PTPRK: variants seen among roughly 807,000 people sequenced by gnomAD.
PTPRK encodes protein tyrosine phosphatase receptor type K, also known as receptor-type tyrosine-protein phosphatase kappa.
PTPRK carries 75 observed loss-of-function variants against 178.0 expected under a neutral mutation model. The ratio of observed to expected loss-of-function variants is 0.42; its 90% CI spans 0.35 to 0.51. The LOEUF is 0.51. Ranked by LOEUF, PTPRK falls within the 20% of genes least tolerant of loss-of-function variation. The pLI, the probability that PTPRK is intolerant of heterozygous loss-of-function variation, is 0.02. For synonymous variants in PTPRK, 637 were observed against 620.6 expected, an observed-to-expected ratio of 1.03 and a Z score of -0.39; for missense variants, 1,441 against 1,797.8, an observed-to-expected ratio of 0.80 and a Z score of 3.59.
chr6:128,436,538 G>C (rs1202900497), intron 1 of PTPRK, among the ~76,000 whole-genome samples: 1 of 151,514 alleles, frequency 6.6e-6, no homozygotes, highest in African/African-American at 2.4e-5. Flanking sequence ...TTATTTATGG[G>C]ACTTAAATAA....
At position 128,083,431 on chromosome 6, in the gene PTPRK, A is replaced by T. The variant is rs1030594873; in HGVS notation, c.1575+284T>A. ...TTTTTAATATGTGATTATTACTATA[A>T]CCATCGTAAATCTGATAATGACTAT... On this transcript the variant is annotated intron_variant, in intron 9 of 29. Coordinates refer to ENST00000368226, the MANE Select transcript of PTPRK (RefSeq NM_002844.4). Among the ~76,000 whole-genome samples, 3 of 152,078 alleles carry T rather than the reference A, an allele frequency of 2.0e-5. No individual in the cohort carries two copies. The East Asian group carries it at 5.8e-4, about 29-fold the overall frequency.
rs142786634 is a variant in PTPRK, at chr6:128,461,502, A to G, written c.100+58757T>C. ...ACCTGTTTTTTTTTCATTTTTTAAGATGAAAGCACCTGGCCACAATTGACG... is the reference window on the plus strand; with the variant it reads ...ACCTGTTTTTTTTTCATTTTTTAAGGTGAAAGCACCTGGCCACAATTGACG... On this transcript the variant is annotated intron_variant, in intron 1 of 29. Coordinates refer to ENST00000368226, the MANE Select transcript of PTPRK (RefSeq NM_002844.4). 1.4e-3 allele frequency among the ~76,000 whole-genome samples: 210 copies of G among 152,232 alleles called. 2 individuals are homozygous for G. Among genetic ancestry groups the G allele is most frequent in the African/African-American group, 4.7e-3 (194 of 41,532 alleles).
rs112978047 is a variant in PTPRK at position 128,038,505 on chromosome 6, T to C, written c.2194+26253A>G. 9.4e-3 allele frequency among the ~76,000 whole-genome samples: 1,432 copies of C among 152,260 alleles called. 20 individuals are homozygous for C. Among genetic ancestry groups the C allele is most frequent in the African/African-American group, 0.032 (1,350 of 41,560 alleles). On this transcript the variant is annotated intron_variant, in intron 13 of 29. Transcript: ENST00000368226. Reference sequence around the variant, plus strand: ...TTAAGAGCAAAAAGTACAGTTCTTATAACTTCTAGAGATACTGCTCCACTC... The same window carrying C: ...TTAAGAGCAAAAAGTACAGTTCTTACAACTTCTAGAGATACTGCTCCACTC...
intron 7 of PTPRK, among the ~76,000 whole-genome samples, chr6:128,098,923 G>A (rs1788335915): frequency 6.6e-6 from 1 of 151,076 alleles, no homozygotes; most frequent in Admixed American, 6.6e-5. Flanking sequence ...TTTGAGGAGG[G>A]GTTAATTTCT....
intron 11 of PTPRK, among the ~76,000 whole-genome samples, chr6:128,069,222 G>C (rs373472220): frequency 1.3e-5 from 2 of 151,942 alleles, no homozygotes; most frequent in African/African-American, 4.8e-5. Context: ...TAAATCAGTA[G>C]GTTCATATCC....
At chr6:128,424,115 C>T (rs1238188267) in intron 1 of PTPRK, among the ~76,000 whole-genome samples, 2 of 151,198 alleles carry the variant, frequency 1.3e-5, no homozygotes, top group Non-Finnish European at 2.9e-5. Flanking sequence ...TGCCTGTAGT[C>T]CCAGTTACTT....
At chr6:128,188,806 C>A (rs906273755) in intron 6 of PTPRK, among the ~76,000 whole-genome samples, 3 of 152,136 alleles carry the variant, frequency 2.0e-5, no homozygotes, top group African/African-American at 7.2e-5. Flanking sequence ...GTATTCCTGT[C>A]CCTCCAAATT....
intron 2 of PTPRK, among the ~76,000 whole-genome samples, chr6:128,362,738 C>T (rs1834946148): frequency 6.6e-6 from 1 of 151,932 alleles, no homozygotes; most frequent in Non-Finnish European, 1.5e-5. Flanking sequence ...TTGAAAAGGG[C>T]TCATATAAAA....
At chr6:128,393,676 G>C (rs1411411966) in intron 2 of PTPRK, among the ~76,000 whole-genome samples, 1 of 152,130 alleles carries the variant, frequency 6.6e-6, no homozygotes, top group Non-Finnish European at 1.5e-5. Context: ...AGCGAACACA[G>C]TATTTATTTA....
chr6:128,067,765 C>A lies in PTPRK; in HGVS notation c.1911G>T (p.Leu637=). 1.2e-6 allele frequency: 2 copies of A among 1,607,590 alleles called. No homozygotes were observed. The highest frequency in any genetic ancestry group is 2.7e-5 in the African/African-American group (2 of 74,746). The change falls in exon 12 of 30, where the codon CTG becomes CTT. Residue 637 remains leucine (L), a synonymous_variant. Transcript: ENST00000368226. ...ISAYQIVVEE[L]HPHRTKREAG... ...CTTCTCTCTTGGTTCGGTGTGGGTG[C>A]AGTTCTTCCACAACAATCTGATAAG...
rs115412391 is a variant in PTPRK at position 128,160,427 on chromosome 6, C to T, written c.1162+24005G>A. Among the ~76,000 whole-genome samples, 327 of 151,716 alleles carry T rather than the reference C, an allele frequency of 2.2e-3. 3 individuals carry two copies. Among genetic ancestry groups the T allele is most frequent in the African/African-American group, 6.9e-3 (288 of 41,498 alleles). On this transcript the variant is annotated intron_variant, in intron 7 of 29. Transcript: ENST00000368226. ...AAAACACGAGATATACTCCCATTAG[C>T]TGAGAAAAGAGGACTATAAGATGAT...
At chr6:128,013,664 A>AAAACTGGAATTATCTTGGGC (rs1345434479) in intron 13 of PTPRK, among the ~76,000 whole-genome samples, 1 of 151,476 alleles carries the variant, frequency 6.6e-6, no homozygotes, top group Non-Finnish European at 1.5e-5. Context: ...AAGGAAAACA[A>AAAACTGGAATTATCTTGGGC]AAACTGGAAT....
chr6:128,201,235 T>A (rs1392191991), intron 6 of PTPRK, among the ~76,000 whole-genome samples: 1 of 152,164 alleles, frequency 6.6e-6, no homozygotes, highest in Non-Finnish European at 1.5e-5. Context: ...ACAAAGGCAA[T>A]TCATAATTCT....
chr6:128,288,293 A>G (rs1485838589), intron 3 of PTPRK, among the ~76,000 whole-genome samples: 2 of 152,192 alleles, frequency 1.3e-5, no homozygotes, highest in Non-Finnish European at 2.9e-5. Context: ...CACATTAAAT[A>G]CTAAATTTTA....
At chr6:128,339,305 A>G (rs1345132683) in intron 2 of PTPRK, among the ~76,000 whole-genome samples, 1 of 152,186 alleles carries the variant, frequency 6.6e-6, no homozygotes, top group African/African-American at 2.4e-5. Context: ...AACCCACAAC[A>G]GACTCTATCG....
At chr6:128,368,746 A>C (rs1835862194) in intron 2 of PTPRK, among the ~76,000 whole-genome samples, 1 of 152,130 alleles carries the variant, frequency 6.6e-6, no homozygotes, top group African/African-American at 2.4e-5. Flanking sequence ...CTTCTCTGCA[A>C]CTAAGTTTCC....
At chr6:128,339,058 AAATAT>A (rs1353148880) in intron 2 of PTPRK, among the ~76,000 whole-genome samples, 8 of 152,086 alleles carry the variant, frequency 5.3e-5, no homozygotes, top group Non-Finnish European at 1.0e-4. Flanking sequence ...TTTATAAATA[AAATAT>A]AAGAGTCAAT....
intron 7 of PTPRK, among the ~76,000 whole-genome samples, chr6:128,125,602 CTTTTTTTT>C (rs869038931): frequency 1.3e-3 from 86 of 68,386 alleles, no homozygotes; most frequent in African/African-American, 4.1e-3. Context: ...TTGGGCTTTT[CTTTTTTTT>C]TTTTTTTTTT....
In PTPRK at chr6:128,094,590, T is replaced by G. The variant is rs181445693; in HGVS notation, c.1163-4598A>C. On this transcript the variant is annotated intron_variant, in intron 7 of 29. Transcript: ENST00000368226. ...AAATGATCCAATAATTTCTTACTGC[T>G]TATTTATTGCTTTCTGTTGGCCAAA... 1.2e-3 allele frequency among the ~76,000 whole-genome samples: 189 copies of G among 152,274 alleles called. 1 individual carries two copies. The highest frequency in any genetic ancestry group is 4.6e-3 in the South Asian group (22 of 4,820).
Sources: gnomAD v4.1 joint callset for allele counts (sites outside exome capture counted in the v4.1 genomes callset) on GRCh38, gnomAD v4.1.1 for gene constraint, MANE v1.5 for transcripts, NCBI Gene and HGNC (gene_info 2026-07-23, HGNC 2026-07-21) for gene names.